Variants in PLPPR5 observed in about 807,000 individuals in gnomAD.
PLPPR5 encodes the protein phospholipid phosphatase related 5.
In PLPPR5, 16 loss-of-function variants were observed where a neutral mutation model predicts 33.9. The observed-to-expected ratio is 0.47, with a 90% CI of 0.32 to 0.72. The LOEUF (loss-of-function observed/expected upper bound fraction) is 0.72. PLPPR5 is among the 30% of genes least tolerant of loss of function. The probability of loss-of-function intolerance (pLI) is 0.03; values close to 1 mark genes in which losing one functional copy is unlikely to be tolerated. For missense variants in PLPPR5, 301 were observed against 406.7 expected, an observed-to-expected ratio of 0.74 and a Z score of 2.23; for synonymous variants, 163 against 150.3, an observed-to-expected ratio of 1.08 and a Z score of -0.62.
At chr1:98,952,501 G>A (rs1650828485) in intron 3 of PLPPR5, among the ~76,000 whole-genome samples, 1 of 152,088 alleles carries the variant, frequency 6.6e-6, no homozygotes, top group African/African-American at 2.4e-5. Context: ...AGCTGCCTGG[G>A]GGCCTGGCTC....
intron 3 of PLPPR5, among the ~76,000 whole-genome samples, chr1:98,932,567 T>C (rs1650018010): frequency 6.6e-6 from 1 of 152,352 alleles, no homozygotes; most frequent in East Asian, 1.9e-4. Flanking sequence ...TTCAGCCTTA[T>C]GCATTACTTT....
intron 3 of PLPPR5, among the ~76,000 whole-genome samples, chr1:98,943,749 T>G (rs1650460578): frequency 6.6e-6 from 1 of 152,234 alleles, no homozygotes. Context: ...ATCTCAATAA[T>G]GCAGGAGTGC....
rs942005914 is a variant in PLPPR5 at position 98,890,715 on chromosome 1, G to T, written c.*2357C>A. Reference sequence around the variant, plus strand: ...CTCAGTAACAGCATCATGAATAAGGGCTATTTTCTGGCTTTTGCCTTATTC... The same window carrying T: ...CTCAGTAACAGCATCATGAATAAGGTCTATTTTCTGGCTTTTGCCTTATTC... On this transcript the variant is annotated 3_prime_UTR_variant, in exon 6 of 6. Transcript: ENST00000263177. 1 of 152,380 alleles carries T rather than the reference G, an allele frequency of 6.6e-6. No individual in the cohort carries two copies. The highest frequency in any genetic ancestry group is 6.6e-5 in the Admixed American group (1 of 15,248). 9.4% of individuals were successfully genotyped at this position (152,380 alleles called of 1,614,324 possible).
In PLPPR5 at chr1:98,963,496, C is replaced by A. The variant is rs183486397; in HGVS notation, c.238-6755G>T. On this transcript the variant is annotated intron_variant, in intron 1 of 5. Coordinates refer to ENST00000263177, the MANE Select transcript of PLPPR5 (RefSeq NM_001037317.2). ...AGAATGCAGTTCAATCTTCCCATCT[C>A]CATAGATAAGGAAACCTCCAGAGAG... Among the ~76,000 whole-genome samples the A allele has an allele frequency of 3.9e-5, 6 of 152,248 alleles. No individual in the cohort carries two copies. The East Asian group carries it at 1.2e-3, about 29-fold the overall frequency.
At chr1:99,001,059 G>A (rs748393126) in intron 1 of PLPPR5, among the ~76,000 whole-genome samples, 2 of 151,194 alleles carry the variant, frequency 1.3e-5, no homozygotes, top group Non-Finnish European at 2.9e-5. Context: ...TCAAAACCTT[G>A]TCAATAAGGG....
chr1:98,901,591 A>G (rs890249795), intron 5 of PLPPR5, among the ~76,000 whole-genome samples: 3 of 152,162 alleles, frequency 2.0e-5, no homozygotes, highest in Non-Finnish European at 4.4e-5. Flanking sequence ...AAAGAAAAAT[A>G]CAAAATAAGT....
At chr1:99,001,379 C>T (rs1204536897) in intron 1 of PLPPR5, among the ~76,000 whole-genome samples, 1 of 151,780 alleles carries the variant, frequency 6.6e-6, no homozygotes, top group Non-Finnish European at 1.5e-5. Flanking sequence ...TTGTGATCCA[C>T]CCGCCTCAGC....
chr1:98,960,494 G>A (rs1050578579), intron 1 of PLPPR5, among the ~76,000 whole-genome samples: 12 of 152,204 alleles, frequency 7.9e-5, no homozygotes, highest in South Asian at 2.1e-4. Flanking sequence ...ACGAGCTACC[G>A]TGCCCAGCCT....
upstream of PLPPR5, chr1:99,005,072 G>A (rs1653029617): frequency 6.5e-6 from 1 of 153,088 alleles, no homozygotes; most frequent in Admixed American, 6.5e-5. Flanking sequence ...CGCTGCGTGG[G>A]CGGACGGGGC....
rs138596788 is a variant in PLPPR5 at position 98,937,017 on chromosome 1, G to A, written c.622-14959C>T. Reference sequence around the variant, plus strand: ...GCCTCAGAGATGTTATAGGCTACATGAGGTAGGAATACACACATGATAACT... The same window carrying A: ...GCCTCAGAGATGTTATAGGCTACATAAGGTAGGAATACACACATGATAACT... On this transcript the variant is annotated intron_variant, in intron 3 of 5. Coordinates refer to ENST00000263177, the MANE Select transcript of PLPPR5 (RefSeq NM_001037317.2). Among the ~76,000 whole-genome samples the A allele has an allele frequency of 3.3e-3, 499 of 152,320 alleles. 4 individuals carry two copies. The highest frequency in any genetic ancestry group is 0.011 in the African/African-American group (476 of 41,586).
At chr1:98,902,455 T>C (rs1042942006) in intron 5 of PLPPR5, among the ~76,000 whole-genome samples, 3 of 152,176 alleles carry the variant, frequency 2.0e-5, no homozygotes, top group African/African-American at 7.2e-5. Flanking sequence ...ATCATAAATA[T>C]ATGCAAATTA....
At chr1:98,911,467 ACTGT>A (rs563606109) in intron 5 of PLPPR5, among the ~76,000 whole-genome samples, 99 of 152,262 alleles carry the variant, frequency 6.5e-4, no homozygotes, top group African/African-American at 1.9e-3. Flanking sequence ...TTTTGCTTTT[ACTGT>A]CTAATATTTC....
chr1:98,955,550 G>T (rs1331707165), intron 2 of PLPPR5, among the ~76,000 whole-genome samples: 1 of 152,032 alleles, frequency 6.6e-6, no homozygotes, highest in African/African-American at 2.4e-5. Context: ...TGAGGGCTTT[G>T]GAGATACATA....
At chr1:98,911,610 C>T (rs927362273) in intron 5 of PLPPR5, among the ~76,000 whole-genome samples, 2 of 152,128 alleles carry the variant, frequency 1.3e-5, no homozygotes, top group South Asian at 2.1e-4. Context: ...AAAAAACACT[C>T]ATGCAAATAA....
intron 1 of PLPPR5, among the ~76,000 whole-genome samples, chr1:98,982,422 G>A (rs180813701): frequency 1.1e-4 from 17 of 152,202 alleles, no homozygotes; most frequent in Admixed American, 9.2e-4. Flanking sequence ...AGCCAGAAGA[G>A]TTAATGGCCA....
At chr1:98,899,655 C>CTTTTTT (rs1214385487) in intron 5 of PLPPR5, among the ~76,000 whole-genome samples, 3 of 138,602 alleles carry the variant, frequency 2.2e-5, no homozygotes, top group Non-Finnish European at 3.1e-5. Flanking sequence ...GTTTATTTCA[C>CTTTTTT]TTGTTTTTTT....
chr1:98,996,643 C>T (rs1306547136), intron 1 of PLPPR5, among the ~76,000 whole-genome samples: 1 of 152,046 alleles, frequency 6.6e-6, no homozygotes, highest in Non-Finnish European at 1.5e-5. Flanking sequence ...GGTTAAGATC[C>T]TAACTCTGAC....
chr1:98,986,995 G>A (rs941593002), intron 1 of PLPPR5, among the ~76,000 whole-genome samples: 4 of 151,718 alleles, frequency 2.6e-5, no homozygotes, highest in Admixed American at 2.6e-4. Flanking sequence ...TACTGAAAGA[G>A]CTAAGGTTTT....
intron 3 of PLPPR5, among the ~76,000 whole-genome samples, chr1:98,931,626 C>T (rs1016316964): frequency 1.3e-5 from 2 of 152,028 alleles, no homozygotes; most frequent in Non-Finnish European, 2.9e-5. Flanking sequence ...AGACTACTTA[C>T]CTTCAAGAGC....
Sources: allele counts gnomAD v4.1 joint callset (sites outside exome capture counted in the v4.1 genomes callset), GRCh38; gene constraint gnomAD v4.1.1; transcripts MANE v1.5; gene names NCBI Gene and HGNC (gene_info 2026-07-23, HGNC 2026-07-21).